The following ZNF274 variants were observed in gnomAD, a reference collection of about 807,000 sequenced individuals.
The protein encoded by ZNF274 is neurotrophin receptor-interacting factor homolog.
Under a neutral mutation model 42.5 loss-of-function variants are expected in ZNF274, and 23 were observed. The ratio of observed to expected loss-of-function variants is 0.54; its 90% CI spans 0.39 to 0.77. The LOEUF is 0.77. ZNF274 is among the 30% of genes least tolerant of loss of function. The pLI is 0.00. For missense variants in ZNF274, 679 were observed against 806.5 expected, an observed-to-expected ratio of 0.84 and a Z score of 1.91; for synonymous variants, 292 against 305.4, an observed-to-expected ratio of 0.96 and a Z score of 0.46.
rs1045658947 is a variant in ZNF274, at chr19:58,203,660, T to C, written c.257-3060T>C. ...TGCTTTCAAATTAAGAAAAGTTACT[T>C]GGGGCGAAGTAAGTCCCCAGAAGTC... On this transcript the variant is annotated intron_variant, in intron 4 of 7. Transcript: ENST00000617501. Among the ~76,000 whole-genome samples the C allele has an allele frequency of 5.3e-5, 8 of 151,920 alleles. No individual in the cohort carries two copies. In the East Asian group the frequency reaches 1.3e-3, roughly 26 times the overall value.
chr19:58,203,772 A>G (rs556025950), intron 4 of ZNF274, among the ~76,000 whole-genome samples: 9 of 152,308 alleles, frequency 5.9e-5, no homozygotes, highest in Admixed American at 4.6e-4. Flanking sequence ...AAATACCTCA[A>G]AAGCTTATTT....
chr19:58,206,961 G>A lies in ZNF274; in HGVS notation c.498G>A (p.Gln166=), dbSNP rs774767759. ...DPEAARQRFR[Q]FRYKDMTGPR... ...AGGCCGCGCGCCAGAGGTTCCGGCA[G>A]TTCCGTTATAAGGACATGACAGGTC... Residue 166 remains glutamine, a synonymous_variant, in exon 5 of 8, where the codon CAG becomes CAA. Transcript: ENST00000617501. 3.7e-6 allele frequency: 6 copies of A among 1,610,390 alleles called. No homozygotes were observed. In the East Asian group the frequency reaches 8.9e-5, roughly 24 times the overall value.
intron 4 of ZNF274, among the ~76,000 whole-genome samples, chr19:58,199,298 G>A (rs1177267714): frequency 2.0e-5 from 3 of 151,962 alleles, no homozygotes; most frequent in African/African-American, 7.3e-5. Flanking sequence ...CCCGGGAGGC[G>A]GAGGTTGCAG....
chr19:58,196,162 C>G (rs1176485369), intron 4 of ZNF274, among the ~76,000 whole-genome samples: 1 of 152,140 alleles, frequency 6.6e-6, no homozygotes, highest in African/African-American at 2.4e-5. Context: ...GAGATGTAAA[C>G]TATTACAGAT....
rs550312386 is a variant in ZNF274, at chr19:58,183,945, C to T, written c.-21C>T. On this transcript the variant is annotated 5_prime_UTR_variant, in exon 2 of 8. Transcript: ENST00000617501. ...GGACTCTGCCCACTTCCACCAGAGA[C>T]ACATTGAGAAGGAGGAAACTATGGC... 2 of 1,590,242 alleles carry T rather than the reference C, an allele frequency of 1.3e-6. No individual in the cohort carries two copies. The highest frequency in any genetic ancestry group is 1.8e-5 in the Admixed American group (1 of 56,046).
At chr19:58,187,271 G>A (rs1379986388) in intron 4 of ZNF274, among the ~76,000 whole-genome samples, 1 of 152,192 alleles carries the variant, frequency 6.6e-6, no homozygotes. Flanking sequence ...GACAGTAGGG[G>A]CTCCCTTAGT....
chr19:58,204,589 A>T (rs903573162), intron 4 of ZNF274, among the ~76,000 whole-genome samples: 1 of 151,812 alleles, frequency 6.6e-6, no homozygotes, highest in Admixed American at 6.6e-5. Flanking sequence ...GAGCTTTTTT[A>T]TTTTTAACGT....
At chr19:58,204,171 T>G (rs4444432) in intron 4 of ZNF274, among the ~76,000 whole-genome samples, 28,973 of 152,086 alleles carry the variant, frequency 0.19, 3,588 homozygotes, top group Middle Eastern at 0.37. Flanking sequence ...AGAAATACCT[T>G]CAGGTGGGGC....
rs199545253 is a variant in ZNF274, at chr19:58,188,698, A to ATGTATATGTATATG, written c.256+1657_256+1658insGTATATGTATATGT. Among the ~76,000 whole-genome samples the ATGTATATGTATATG allele has an allele frequency of 8.5e-3, 748 of 88,386 alleles. 24 individuals carry two copies. The highest frequency in any genetic ancestry group is 0.032 in the African/African-American group (718 of 22,532). 58.0% of individuals were successfully genotyped at this position (88,386 alleles called of 152,430 possible). ...TGTGTATATATATATGTATATGTAT[A>ATGTATATGTATATG]TATATATATATATATATATATATAT... On this transcript the variant is annotated intron_variant, in intron 4 of 7. Coordinates refer to ENST00000617501, the MANE Select transcript of ZNF274 (RefSeq NM_133502.3).
At chr19:58,193,445 C>CTTT (rs71188098) in intron 4 of ZNF274, among the ~76,000 whole-genome samples, 69 of 47,810 alleles carry the variant, frequency 1.4e-3, no homozygotes, top group East Asian at 2.9e-3. Context: ...CGCGCCTGGC[C>CTTT]TTTTTTTTTT....
Position 58,212,531 on chromosome 19 carries a change from G to A in ZNF274, c.1350G>A (p.Leu450=). 1 of 1,613,948 alleles carries A rather than the reference G, an allele frequency of 6.2e-7. No homozygotes were observed. The highest frequency in any genetic ancestry group is 8.5e-7 in the Non-Finnish European group (1 of 1,179,896). ...LLHKIPPRKR[L]RKRDSQVKSM... ...ACAAAATTCCTCCTAGAAAACGATT[G>A]CGCAAACGTGACTCACAAGTTAAAA... is the stretch of plus-strand genomic sequence containing the variant. The change falls in exon 8 of 8, where the codon TTG becomes TTA. Residue 450 remains leucine (L), a synonymous_variant. Coordinates refer to ENST00000617501, the MANE Select transcript of ZNF274 (RefSeq NM_133502.3). The surrounding 1 kb of genome is among the most constrained non-coding windows in gnomAD (Gnocchi z 4.6).
At chr19:58,194,247 C>T (rs1317006691) in intron 4 of ZNF274, among the ~76,000 whole-genome samples, 1 of 151,314 alleles carries the variant, frequency 6.6e-6, no homozygotes, top group Middle Eastern at 3.2e-3. Flanking sequence ...TAAGGGAGAA[C>T]AATTATTTCT....
In ZNF274 at chr19:58,183,091, A is replaced by C. The variant is rs1251794410; in HGVS notation, c.-397A>C. 1 of 150,682 alleles carries C rather than the reference A, an allele frequency of 6.6e-6. No individual in the cohort carries two copies. Among genetic ancestry groups the C allele is most frequent in the African/African-American group, 2.5e-5 (1 of 40,586 alleles). The allele number at this position is 150,682 out of a possible 1,614,324, so 9.3% of individuals were successfully genotyped here. A position where few individuals can be genotyped will look rare whatever the true frequency, so the allele number is the denominator to read the frequency against. On this transcript the variant is annotated 5_prime_UTR_variant, in exon 1 of 8. Transcript: ENST00000617501. Reference sequence around the variant, plus strand: ...AGCACTTCCGGCCTGACCCCTGTCCAGCGCCTTTCCTTTCTCCAGCTTCTG... The same window carrying C: ...AGCACTTCCGGCCTGACCCCTGTCCCGCGCCTTTCCTTTCTCCAGCTTCTG...
chr19:58,196,802 C>T (rs1442811397), intron 4 of ZNF274, among the ~76,000 whole-genome samples: 2 of 152,150 alleles, frequency 1.3e-5, no homozygotes, highest in Admixed American at 6.5e-5. Context: ...TTCAGCCTGT[C>T]TTTGCCCTCT....
At chr19:58,206,318 C>G (rs1280256147) in intron 4 of ZNF274, among the ~76,000 whole-genome samples, 1 of 152,224 alleles carries the variant, frequency 6.6e-6, no homozygotes, top group East Asian at 1.9e-4. Context: ...ATACATCCCT[C>G]AGTTGATAGA....
intron 4 of ZNF274, among the ~76,000 whole-genome samples, chr19:58,190,828 G>C (rs1274164549): frequency 6.6e-6 from 1 of 152,092 alleles, no homozygotes; most frequent in Admixed American, 6.6e-5. Context: ...GCCCACTTCT[G>C]GCAGTATTGA....
rs1052607754 is a variant in ZNF274, at chr19:58,208,001, G to C, written c.739+799G>C. ...GCAGCTATTGCCATGCCCTCTGATG[G>C]GGTGGTGTCTTGGATAGGAGTGATG... On this transcript the variant is annotated intron_variant, in intron 5 of 7. Transcript: ENST00000617501. The surrounding 1 kb of genome is among the most constrained non-coding windows in gnomAD (Gnocchi z 4.5). 1.3e-5 allele frequency: 2 copies of C among 152,502 alleles called. No individual in the cohort carries two copies. The highest frequency in any genetic ancestry group is 2.9e-5 in the Non-Finnish European group (2 of 68,242). The allele number at this position is 152,502 out of a possible 1,614,324, so 9.4% of individuals were successfully genotyped here. A position where few individuals can be genotyped will look rare whatever the true frequency, so the allele number is the denominator to read the frequency against.
In ZNF274 at chr19:58,212,092, T is replaced by C. The variant is rs1324926808; in HGVS notation, c.980-69T>C. 5.3e-6 allele frequency: 8 copies of C among 1,503,166 alleles called. No individual in the cohort carries two copies. Among genetic ancestry groups the C allele is most frequent in the Non-Finnish European group, 7.1e-6 (8 of 1,133,206 alleles). The allele number at this position is 1,503,166 out of a possible 1,614,324, so 93.1% of individuals were successfully genotyped here. On this transcript the variant is annotated intron_variant, in intron 7 of 7. Coordinates refer to ENST00000617501, the MANE Select transcript of ZNF274 (RefSeq NM_133502.3). The surrounding 1 kb of genome is among the most constrained non-coding windows in gnomAD (Gnocchi z 4.6). ...CCTGACTTTTGAACTTAATTATGCATTTCATGCTCTCAGACCCATCCCAGC... is the reference window on the plus strand; with the variant it reads ...CCTGACTTTTGAACTTAATTATGCACTTCATGCTCTCAGACCCATCCCAGC...
At chr19:58,191,874 C>T (rs557027280) in intron 4 of ZNF274, among the ~76,000 whole-genome samples, 3 of 152,306 alleles carry the variant, frequency 2.0e-5, no homozygotes, top group South Asian at 2.1e-4. Flanking sequence ...CTAAAAACTT[C>T]GGTGATAAAC....
Sources: gnomAD v4.1 joint callset for allele counts (sites outside exome capture counted in the v4.1 genomes callset) on GRCh38, gnomAD v4.1.1 for gene constraint, Gnocchi (gnomAD v3.1) non-coding constraint, MANE v1.5 for transcripts, NCBI Gene and HGNC (gene_info 2026-07-23, HGNC 2026-07-21) for gene names.